The following SPPL3 variants were observed in gnomAD, a reference collection of about 807,000 sequenced individuals.
The protein encoded by SPPL3 is signal peptide peptidase like 3, also known as signal peptide peptidase-like 3.
In SPPL3, 5 loss-of-function variants were observed where a neutral mutation model predicts 42.4. That is an observed-to-expected ratio of 0.12 (90% CI 0.06 to 0.25). The LOEUF (loss-of-function observed/expected upper bound fraction) is 0.25, where lower values mean the gene tolerates loss of function less well. Among genes scored for constraint, SPPL3 ranks in the 10% least tolerant of loss-of-function variants. The pLI is 1.00. For synonymous variants in SPPL3, 195 were observed against 181.8 expected (o/e 1.07, Z -0.58); for missense variants, 235 against 489.0 (o/e 0.48, Z 4.90).
At chr12:120,878,722 T>C (rs2137055578) in intron 1 of SPPL3, among the ~76,000 whole-genome samples, 1 of 152,318 alleles carries the variant, frequency 6.6e-6, no homozygotes, top group African/African-American at 2.4e-5. Flanking sequence ...TTATTTTTTC[T>C]TAAATTATCT....
rs1417638860 is a variant in SPPL3 at position 120,882,133 on chromosome 12, A to G, written c.23+21712T>C. ...GATGTCACTCATCCCTCTGTCTACC[A>G]TCTTCATGCTATATACATACACTAC... On this transcript the variant is annotated intron_variant, in intron 1 of 10. Coordinates refer to ENST00000353487, the MANE Select transcript of SPPL3 (RefSeq NM_139015.5). Among the ~76,000 whole-genome samples the G allele has an allele frequency of 2.0e-5, 3 of 152,042 alleles. No homozygotes were observed. In the East Asian group the frequency reaches 5.8e-4, roughly 29 times the overall value.
intron 3 of SPPL3, among the ~76,000 whole-genome samples, chr12:120,785,921 A>C (rs1203009288): frequency 6.6e-6 from 1 of 151,582 alleles, no homozygotes; most frequent in African/African-American, 2.4e-5. Flanking sequence ...AGGCAAAAAA[A>C]AAAAAAAAAA....
chr12:120,829,929 G>A (rs1389086887), intron 1 of SPPL3, among the ~76,000 whole-genome samples: 3 of 151,178 alleles, frequency 2.0e-5, no homozygotes, highest in Admixed American at 1.3e-4. Flanking sequence ...GCGAGATAGA[G>A]GTCGCAGTGA....
intron 1 of SPPL3, among the ~76,000 whole-genome samples, chr12:120,889,138 A>G (rs1457235469): frequency 6.6e-6 from 1 of 152,150 alleles, no homozygotes; most frequent in Non-Finnish European, 1.5e-5. Context: ...TTCAAAAGCT[A>G]TTTATAAAAT....
chr12:120,816,618 C>T (rs1870885715), intron 1 of SPPL3, among the ~76,000 whole-genome samples: 2 of 152,270 alleles, frequency 1.3e-5, no homozygotes, highest in South Asian at 4.1e-4. Flanking sequence ...CTCAAGCAAT[C>T]CTCCCACCTC....
intron 1 of SPPL3, among the ~76,000 whole-genome samples, chr12:120,829,918 C>A (rs138889325): frequency 2.7e-5 from 4 of 149,814 alleles, no homozygotes; most frequent in Non-Finnish European, 5.9e-5. Context: ...CACTTGAATG[C>A]GCGAGATAGA....
chr12:120,840,205 C>T (rs377069873), intron 1 of SPPL3, among the ~76,000 whole-genome samples: 8 of 122,630 alleles, frequency 6.5e-5, no homozygotes, highest in East Asian at 2.9e-4. Context: ...TTGAACCCGG[C>T]GGGTGGAGGC....
intron 1 of SPPL3, among the ~76,000 whole-genome samples, chr12:120,814,267 C>T (rs1197754875): frequency 6.6e-6 from 1 of 152,128 alleles, no homozygotes; most frequent in Non-Finnish European, 1.5e-5. Context: ...TGTTTCACAG[C>T]ACCTCACAGG....
chr12:120,795,315 G>A (rs1420738383), intron 2 of SPPL3, among the ~76,000 whole-genome samples: 1 of 152,180 alleles, frequency 6.6e-6, no homozygotes, highest in Non-Finnish European at 1.5e-5. Flanking sequence ...CATTTCTGGT[G>A]ATCTTAACTC....
At chr12:120,856,791 T>C (rs1211550778) in intron 1 of SPPL3, among the ~76,000 whole-genome samples, 1 of 152,086 alleles carries the variant, frequency 6.6e-6, no homozygotes, top group Non-Finnish European at 1.5e-5. Flanking sequence ...AATTGCCATC[T>C]GTGTGAGAAG....
intron 4 of SPPL3, chr12:120,784,111 C>T: frequency 4.0e-6 from 1 of 248,710 alleles, no homozygotes; most frequent in Non-Finnish European, 7.8e-6. Context: ...CATGTTTCTA[C>T]CTGCAAGAAC....
chr12:120,791,579 T>G (rs1006847855), intron 2 of SPPL3, 22 bp from the exon 3 acceptor site: 1 of 1,542,482 alleles, frequency 6.5e-7, no homozygotes, highest in African/African-American at 1.4e-5. Flanking sequence ...AATTTTGTAG[T>G]TAAGTTGTAG....
intron 1 of SPPL3, among the ~76,000 whole-genome samples, chr12:120,850,330 C>G (rs1044644449): frequency 4.0e-5 from 6 of 151,780 alleles, no homozygotes; most frequent in African/African-American, 1.5e-4. Context: ...CTGTTAAGGC[C>G]AAAGTAAATC....
intron 1 of SPPL3, among the ~76,000 whole-genome samples, chr12:120,852,702 AC>A (rs1255127079): frequency 0.5 from 19,358 of 38,912 alleles, 6,470 homozygotes; most frequent in East Asian, 0.8. Flanking sequence ...TACATATTTT[AC>A]ATATATGAAA....
At chr12:120,801,589 C>T (rs1870297652) in intron 2 of SPPL3, among the ~76,000 whole-genome samples, 1 of 152,218 alleles carries the variant, frequency 6.6e-6, no homozygotes, top group South Asian at 2.1e-4. Context: ...AATGGGCTCA[C>T]TGCTTGACGC....
chr12:120,805,578 T>C (rs1870461240), intron 2 of SPPL3, among the ~76,000 whole-genome samples: 1 of 152,220 alleles, frequency 6.6e-6, no homozygotes, highest in African/African-American at 2.4e-5. Flanking sequence ...ACTGCCTTTA[T>C]TTGCAGACCA....
At chr12:120,806,644 C>T (rs1376811405) in intron 2 of SPPL3, among the ~76,000 whole-genome samples, 1 of 151,906 alleles carries the variant, frequency 6.6e-6, no homozygotes, top group East Asian at 1.9e-4. Flanking sequence ...GTCAGGAGAT[C>T]GAGACCATCT....
chr12:120,901,860 CGT>C, intron 1 of SPPL3: 4 of 981,844 alleles, frequency 4.1e-6, no homozygotes, highest in Non-Finnish European at 4.8e-6. Flanking sequence ...AGAGAGAGGT[CGT>C]GTGTGTCCAA....
intron 10 of SPPL3, 120 bp downstream of exon 10, chr12:120,766,137 CACACAG>C: frequency 3.0e-6 from 2 of 658,854 alleles, no homozygotes; most frequent in Non-Finnish European, 5.0e-6. Context: ...CACACACACA[CACACAG>C]TCGAGATCAC....
Sources: gnomAD v4.1 joint callset for allele counts (sites outside exome capture counted in the v4.1 genomes callset) on GRCh38, gnomAD v4.1.1 for gene constraint, MANE v1.5 for transcripts, NCBI Gene and HGNC (gene_info 2026-07-23, HGNC 2026-07-21) for gene names.